TEKT4: variants seen among roughly 807,000 people sequenced by gnomAD.
TEKT4 encodes tektin-4.
Under a neutral mutation model 46.0 loss-of-function variants are expected in TEKT4, and 46 were observed. The ratio of observed to expected loss-of-function variants is 1.00; its 90% CI spans 0.79 to 1.28. The LOEUF (loss-of-function observed/expected upper bound fraction) is 1.28, where lower values mean the gene tolerates loss of function less well. Among genes scored for constraint, TEKT4 ranks in the 50% most tolerant of loss-of-function variants. TEKT4 has a pLI of 0.00. For missense variants in TEKT4, 790 were observed against 622.9 expected (o/e 1.27, Z -2.85); for synonymous variants, 325 against 265.8 (o/e 1.22, Z -2.17).
intron 4 of TEKT4, 39 bp downstream of exon 4, chr2:94,875,037 C>T (rs1553395988): frequency 1.3e-6 from 2 of 1,539,828 alleles, no homozygotes; most frequent in Non-Finnish European, 1.8e-6. Context: ...CCCCTCTCAT[C>T]ACCTGGCCTG....
At position 94,876,659 on chromosome 2, in the gene TEKT4, C is replaced by A; in HGVS notation, c.1198C>A (p.Leu400Met). The A allele has an allele frequency of 6.2e-7, 1 of 1,613,482 alleles. No homozygotes were observed. Among genetic ancestry groups the A allele is most frequent in the Non-Finnish European group, 8.5e-7 (1 of 1,180,004 alleles). ...LRNLEDIHMSLEKDIAAMTNS... is the reference protein window; with the variant it reads ...LRNLEDIHMSMEKDIAAMTNS... ...CAACCTCGAGGACATCCACATGAGC[C>A]TGGAGAAGGACATTGCCGCCATGAC... Residue 400 changes from leucine to methionine, a missense_variant, in exon 6 of 6, where the codon CTG becomes ATG. Coordinates refer to ENST00000295201, the MANE Select transcript of TEKT4 (RefSeq NM_144705.4).
At chr2:94,872,448 T>G in intron 1 of TEKT4, 1 of 362,434 alleles carries the variant, frequency 2.8e-6, no homozygotes, top group Admixed American at 4.2e-5. Flanking sequence ...TGTGGACAGG[T>G]AAGGTGGGGT....
Position 94,871,432 on chromosome 2 carries a change from T to C in TEKT4, c.-148T>C, listed in dbSNP as rs1680551322. ...TTTCTTGGCAACAGGAAGCTCTTGGTTTACACAGTGTCACCCAAGCGACTG... is the reference window on the plus strand; with the variant it reads ...TTTCTTGGCAACAGGAAGCTCTTGGCTTACACAGTGTCACCCAAGCGACTG... On this transcript the variant is annotated 5_prime_UTR_variant, in exon 1 of 6. Transcript: ENST00000295201. The C allele has an allele frequency of 4.0e-6, 4 of 998,116 alleles. No homozygotes were observed. In the Admixed American group the frequency reaches 1.2e-4, roughly 30 times the overall value. The allele number at this position is 998,116 out of a possible 1,614,324, so 61.8% of individuals were successfully genotyped here.
Position 94,871,703 on chromosome 2 carries a change from G to C in TEKT4, c.124G>C (p.Glu42Gln), listed in dbSNP as rs1573177946. The C allele has an allele frequency of 1.9e-6, 3 of 1,612,632 alleles. No individual in the cohort carries two copies. In the Middle Eastern group the frequency reaches 5.0e-4, roughly 270 times the overall value. ...CTTCCGCACCTCCAAGTACCTGCTG[G>C]AGGAGTGGTTCCAGAACTGCTATGC... Reference protein sequence around the residue: ...ASFRTSKYLLEEWFQNCYARY... With the variant: ...ASFRTSKYLLQEWFQNCYARY... Residue 42 changes from glutamate (E) to glutamine (Q), a missense_variant, in exon 1 of 6, where the codon GAG (glutamate) becomes CAG (glutamine). Physicochemically the swap from Glu to Gln is conservative, Grantham distance 29. Transcript: ENST00000295201.
Position 94,875,700 on chromosome 2 carries a change from A to C in TEKT4, c.1049A>C (p.His350Pro). The change falls in exon 5 of 6, where the codon CAC becomes CCC. Residue 350 changes from histidine (H) to proline (P), a missense_variant. By Grantham distance (77) the His-to-Pro change is moderately conservative (BLOSUM62 -2). Coordinates refer to ENST00000295201, the MANE Select transcript of TEKT4 (RefSeq NM_144705.4). ...CAGACCCGGCTGTACCTGCGCTCGCACCGGCCCAACATGGAGCTGTGCCGT... is the reference window on the plus strand; with the variant it reads ...CAGACCCGGCTGTACCTGCGCTCGCCCCGGCCCAACATGGAGCTGTGCCGT... ...VAQTRLYLRS[H>P]RPNMELCRDA... The C allele has an allele frequency of 6.2e-7, 1 of 1,614,118 alleles. No homozygotes were observed. The highest frequency in any genetic ancestry group is 1.7e-4 in the Middle Eastern group (1 of 6,056).
chr2:94,871,663 C>G lies in TEKT4; in HGVS notation c.84C>G (p.Gly28=), dbSNP rs782724080. ...ARNTGAYTSS[G]LATASFRTSK... ...ACACGGGCGCCTACACGTCCTCCGG[C>G]CTGGCCACCGCCAGCTTCCGCACCT... The change falls in exon 1 of 6, where the codon GGC becomes GGG. Residue 28 remains glycine (G), a synonymous_variant. Coordinates refer to ENST00000295201, the MANE Select transcript of TEKT4 (RefSeq NM_144705.4). 4 of 1,612,474 alleles carry G rather than the reference C, an allele frequency of 2.5e-6. No homozygotes were observed. The highest frequency in any genetic ancestry group is 3.4e-6 in the Non-Finnish European group (4 of 1,179,940).
At chr2:94,872,555 C>A (rs1244858059) in intron 1 of TEKT4, 4 of 321,488 alleles carry the variant, frequency 1.2e-5, no homozygotes, top group Non-Finnish European at 1.8e-5. Flanking sequence ...CCTATAACTT[C>A]CCAATCCACC....
intron 2 of TEKT4, 132 bp from the exon 3 acceptor site, chr2:94,873,833 G>C (rs116591654): frequency 3.7e-6 from 5 of 1,350,690 alleles, no homozygotes; most frequent in Non-Finnish European, 5.1e-6. Context: ...TGCTGAGCAC[G>C]AGGGCTGCCC....
chr2:94,874,654 C>T, intron 3 of TEKT4, 122 bp from the exon 4 acceptor site: 2 of 869,944 alleles, frequency 2.3e-6, no homozygotes, highest in Non-Finnish European at 3.4e-6. Flanking sequence ...GCATGGGGTG[C>T]ATCGGAGTCC....
Position 94,876,643 on chromosome 2 carries a change from G to A in TEKT4, c.1182G>A (p.Glu394=). ...LEAEQSLRNL[E]DIHMSLEKDI... ...CGGAGCAGTCCCTGCGCAACCTCGAGGACATCCACATGAGCCTGGAGAAGG... is the reference window on the plus strand; with the variant it reads ...CGGAGCAGTCCCTGCGCAACCTCGAAGACATCCACATGAGCCTGGAGAAGG... Residue 394 remains glutamate (E), a synonymous_variant, in exon 6 of 6, where the codon GAG becomes GAA. Coordinates refer to ENST00000295201, the MANE Select transcript of TEKT4 (RefSeq NM_144705.4). The A allele has an allele frequency of 1.2e-6, 2 of 1,613,344 alleles. No individual in the cohort carries two copies.
intron 1 of TEKT4, chr2:94,873,156 G>A (rs1468995236): frequency 8.1e-7 from 1 of 1,232,500 alleles, no homozygotes; most frequent in East Asian, 5.0e-5. Flanking sequence ...GGGCATCTGG[G>A]CCCCCAGAGT....
At chr2:94,875,797 T>A in intron 5 of TEKT4, 55 bp downstream of exon 5, 1 of 1,567,120 alleles carries the variant, frequency 6.4e-7, no homozygotes, top group Non-Finnish European at 8.7e-7. Flanking sequence ...CTCCTCCCTG[T>A]GACTCTCTCC....
rs375489524 is a variant in TEKT4, at chr2:94,875,071, G to A, written c.936+73G>A. The A allele has an allele frequency of 4.9e-5, 71 of 1,438,344 alleles. No individual in the cohort carries two copies. The African/African-American group carries it at 9.1e-4, about 18-fold the overall frequency. The allele number at this position is 1,438,344 out of a possible 1,614,324, so 89.1% of individuals were successfully genotyped here. Reference sequence around the variant, plus strand: ...TGGGCCCTCAACACCTTTCTCCTCTGTCCCATTTATCCCGAGGGACCCCAG... The same window carrying A: ...TGGGCCCTCAACACCTTTCTCCTCTATCCCATTTATCCCGAGGGACCCCAG... On this transcript the variant is annotated intron_variant, in intron 4 of 5. Coordinates refer to ENST00000295201, the MANE Select transcript of TEKT4 (RefSeq NM_144705.4).
intron 1 of TEKT4, 188 bp from the exon 2 acceptor site, chr2:94,873,332 G>T (rs1261273386): frequency 6.9e-7 from 1 of 1,442,982 alleles, no homozygotes. Flanking sequence ...CACTTACAAC[G>T]CACCAAGGAG....
intron 1 of TEKT4, chr2:94,872,930 G>C (rs1287936970): frequency 7.8e-7 from 1 of 1,289,332 alleles, no homozygotes; most frequent in Non-Finnish European, 1.0e-6. Flanking sequence ...TGCACGGAGA[G>C]GCAAACCCAG....
At chr2:94,873,148 G>C (rs1401858657) in intron 1 of TEKT4, 5 of 1,227,706 alleles carry the variant, frequency 4.1e-6, no homozygotes, top group East Asian at 5.2e-5. Flanking sequence ...GCCTGGGCGG[G>C]CATCTGGGCC....
intron 5 of TEKT4, among the ~76,000 whole-genome samples, chr2:94,876,194 G>A (rs1293292588): frequency 6.6e-6 from 1 of 152,182 alleles, no homozygotes; most frequent in Non-Finnish European, 1.5e-5. Flanking sequence ...GATGCCCGGT[G>A]GCCCCTTCTA....
intron 2 of TEKT4, 149 bp from the exon 3 acceptor site, chr2:94,873,816 T>G (rs1435102561): frequency 1.4e-5 from 17 of 1,236,258 alleles, no homozygotes; most frequent in Non-Finnish European, 1.9e-5. Context: ...CCGCAGCTCC[T>G]GGTCACTGCT....
intron 4 of TEKT4, 27 bp from the exon 5 acceptor site, chr2:94,875,561 G>A (rs782560248): frequency 1.2e-6 from 2 of 1,613,514 alleles, no homozygotes; most frequent in Admixed American, 1.7e-5. Flanking sequence ...GGGGGCACAG[G>A]CCCAAGGAGA....
Sources: allele counts gnomAD v4.1 joint callset (sites outside exome capture counted in the v4.1 genomes callset), GRCh38; gene constraint gnomAD v4.1.1; transcripts MANE v1.5; gene names NCBI Gene and HGNC (gene_info 2026-07-23, HGNC 2026-07-21).